Variants in TOM1L2 observed in about 807,000 individuals in gnomAD.
TOM1L2 encodes the protein target of myb1 like 2 membrane trafficking protein, also known as TOM1-like protein 2.
A neutral mutation model predicts 67.9 loss-of-function variants in TOM1L2; 31 were observed. The ratio of observed to expected loss-of-function variants is 0.46; its 90% CI spans 0.34 to 0.62. The LOEUF (loss-of-function observed/expected upper bound fraction) is 0.62, where lower values mean the gene tolerates loss of function less well. Among genes scored for constraint, TOM1L2 ranks in the 20% least tolerant of loss-of-function variants. The pLI, the probability that TOM1L2 is intolerant of heterozygous loss-of-function variation, is 0.01. For synonymous variants in TOM1L2, 256 were observed against 254.0 expected (o/e 1.01, Z -0.07); for missense variants, 606 against 663.5 (o/e 0.91, Z 0.95).
At position 17,844,622 on chromosome 17, in the gene TOM1L2, C is replaced by T. The variant is rs1447484533; in HGVS notation, c.*3013G>A. The T allele has an allele frequency of 6.6e-6, 1 of 152,308 alleles. No homozygotes were observed. The highest frequency in any genetic ancestry group is 6.5e-5 in the Admixed American group (1 of 15,286). The allele number at this position is 152,308 out of a possible 1,614,324, so 9.4% of individuals were successfully genotyped here. On this transcript the variant is annotated 3_prime_UTR_variant, in exon 15 of 15. Coordinates refer to ENST00000379504, the MANE Select transcript of TOM1L2 (RefSeq NM_001082968.2). ...GCCAGTCATTCTCTCAGCCTGGCCA[C>T]AGATGGCCTGCTCAGTGCCTGGAGA... is the stretch of plus-strand genomic sequence containing the variant.
chr17:17,894,975 A>ACATGCATGCATGCATG (rs34865538), intron 3 of TOM1L2, among the ~76,000 whole-genome samples: 81 of 147,798 alleles, frequency 5.5e-4, no homozygotes, highest in Non-Finnish European at 1.0e-3. Flanking sequence ...ATACATACAT[A>ACATGCATGCATGCATG]CATGCATGCA....
intron 1 of TOM1L2, among the ~76,000 whole-genome samples, chr17:17,956,743 C>T (rs1242568367): frequency 6.6e-6 from 1 of 152,234 alleles, no homozygotes; most frequent in Non-Finnish European, 1.5e-5. Context: ...GATGCTAAGC[C>T]CCTCACTGCC....
At chr17:17,947,532 C>T (rs1342045384) in intron 1 of TOM1L2, among the ~76,000 whole-genome samples, 3 of 152,174 alleles carry the variant, frequency 2.0e-5, no homozygotes, top group Non-Finnish European at 2.9e-5. Context: ...AAGACAGTAG[C>T]TGTTGGCAAG....
At chr17:17,930,367 A>G (rs186511177) in intron 1 of TOM1L2, among the ~76,000 whole-genome samples, 7 of 152,262 alleles carry the variant, frequency 4.6e-5, no homozygotes, top group South Asian at 2.1e-4. Flanking sequence ...GTTAAAAAAA[A>G]GGGGGGTCTG....
At chr17:17,879,134 C>T (rs980910169) in intron 7 of TOM1L2, among the ~76,000 whole-genome samples, 2 of 152,206 alleles carry the variant, frequency 1.3e-5, no homozygotes, top group African/African-American at 4.8e-5. Flanking sequence ...TCTCAGGACA[C>T]CTTGGGGGTG....
rs1355900839 is a variant in TOM1L2, at chr17:17,954,752, TCTAA to T, written c.52+17506_52+17509del. On this transcript the variant is annotated intron_variant, in intron 1 of 14. Coordinates refer to ENST00000379504, the MANE Select transcript of TOM1L2 (RefSeq NM_001082968.2). ...GACCAGCTAGGTGGTATTGAACTGG[TCTAA>T]CTTACAGCCTCAAGCAATGGTCCAG... Among the ~76,000 whole-genome samples the T allele has an allele frequency of 2.0e-5, 3 of 152,254 alleles. No individual in the cohort carries two copies. The East Asian group carries it at 5.8e-4, about 29-fold the overall frequency.
At chr17:17,847,967 T>C (rs1341246327) in intron 14 of TOM1L2, among the ~76,000 whole-genome samples, 184 bp from the exon 15 acceptor site, 1 of 152,072 alleles carries the variant, frequency 6.6e-6, no homozygotes, top group Non-Finnish European at 1.5e-5. Context: ...TGCCCAGTCC[T>C]CCTGCCCTGG....
intron 10 of TOM1L2, among the ~76,000 whole-genome samples, chr17:17,865,742 CTTTTT>C (rs35408977): frequency 9.7e-6 from 1 of 103,538 alleles, no homozygotes; most frequent in African/African-American, 3.4e-5. Context: ...GGTGACCTTT[CTTTTT>C]TTTTTTTTTT....
intron 1 of TOM1L2, among the ~76,000 whole-genome samples, chr17:17,925,976 G>A (rs1236291918): frequency 6.6e-6 from 1 of 151,822 alleles, no homozygotes; most frequent in Non-Finnish European, 1.5e-5. Flanking sequence ...TTCAAAACCA[G>A]CCTGGGTAAC....
rs374241020 is a variant in TOM1L2, at chr17:17,882,690, G to A, written c.660+15C>T. On this transcript the variant is annotated intron_variant, in intron 6 of 14. Transcript: ENST00000379504. ...AGTCAGCTGGCTTGCCTATGGCCCC[G>A]AAGTATGCAAGTACCTGTTCTGAAT... 4.8e-5 allele frequency: 77 copies of A among 1,611,960 alleles called. No homozygotes were observed. Among genetic ancestry groups the A allele is most frequent in the Middle Eastern group, 1.6e-4 (1 of 6,070 alleles).
chr17:17,967,624 G>C (rs1332521049), intron 1 of TOM1L2, among the ~76,000 whole-genome samples: 1 of 151,432 alleles, frequency 6.6e-6, no homozygotes, highest in Non-Finnish European at 1.5e-5. Context: ...TTTCTTTTTT[G>C]GAGATGCAGT....
Position 17,940,695 on chromosome 17 carries a change from G to T in TOM1L2, c.52+31567C>A, listed in dbSNP as rs180839283. Among the ~76,000 whole-genome samples the T allele has an allele frequency of 2.1e-3, 314 of 152,306 alleles. 1 individual carries two copies. The highest frequency in any genetic ancestry group is 0.01 in the Middle Eastern group (3 of 294). On this transcript the variant is annotated intron_variant, in intron 1 of 14. Transcript: ENST00000379504. ...CAAATTCTTTTCCTAATTAAAGGCT[G>T]GTCTCCACAGCTGTCATTGGGGTGA...
At chr17:17,882,608 C>T (rs752973448) in intron 6 of TOM1L2, 97 bp downstream of exon 6, 5 of 1,515,954 alleles carry the variant, frequency 3.3e-6, no homozygotes, top group South Asian at 1.2e-5. Context: ...TAACACCCAG[C>T]ACAATACCTG....
intron 1 of TOM1L2, among the ~76,000 whole-genome samples, chr17:17,920,073 G>C (rs1184869910): frequency 6.6e-6 from 1 of 152,162 alleles, no homozygotes; most frequent in Non-Finnish European, 1.5e-5. Flanking sequence ...AGACGGTCCA[G>C]AGTATTGGAT....
intron 1 of TOM1L2, among the ~76,000 whole-genome samples, chr17:17,965,956 A>G (rs531341043): frequency 1.4e-4 from 21 of 152,200 alleles, no homozygotes; most frequent in African/African-American, 4.1e-4. Flanking sequence ...CCCTGTCTCT[A>G]CTAACAATAC....
chr17:17,869,722 T>C (rs544608222), intron 7 of TOM1L2: 1 of 1,210,626 alleles, frequency 8.3e-7, no homozygotes, highest in African/African-American at 1.5e-5. Flanking sequence ...TACAAGTACA[T>C]GCTTGTACAA....
At chr17:17,911,659 A>AT (rs1212166306) in intron 1 of TOM1L2, among the ~76,000 whole-genome samples, 8 of 150,678 alleles carry the variant, frequency 5.3e-5, no homozygotes, top group Non-Finnish European at 1.2e-4. Flanking sequence ...TTTTTTTTTA[A>AT]TTTTTTTATT....
chr17:17,954,580 T>C (rs760440231), intron 1 of TOM1L2, among the ~76,000 whole-genome samples: 11 of 152,202 alleles, frequency 7.2e-5, no homozygotes, highest in Non-Finnish European at 1.3e-4. Flanking sequence ...CCCAAAGTGC[T>C]GGGATTACAA....
chr17:17,909,842 A>T (rs59751059), intron 1 of TOM1L2, among the ~76,000 whole-genome samples: 27 of 152,300 alleles, frequency 1.8e-4, no homozygotes, highest in African/African-American at 5.8e-4. Flanking sequence ...CAGCTTGGGC[A>T]ACATAGCAAG....
Sources: gnomAD v4.1 joint callset for allele counts (sites outside exome capture counted in the v4.1 genomes callset) on GRCh38, gnomAD v4.1.1 for gene constraint, MANE v1.5 for transcripts, NCBI Gene and HGNC (gene_info 2026-07-23, HGNC 2026-07-21) for gene names.